KDELR3: variants seen among roughly 807,000 people sequenced by gnomAD.
KDELR3 encodes ER lumen protein-retaining receptor 3.
A neutral mutation model predicts 22.7 loss-of-function variants in KDELR3; 26 were observed. That is an observed-to-expected ratio of 1.15 (90% CI 0.84 to 1.59). The LOEUF is 1.59. KDELR3 is among the 40% of genes most tolerant of loss of function. KDELR3 has a pLI of 0.00. For missense variants in KDELR3, 289 were observed against 251.1 expected, an observed-to-expected ratio of 1.15 and a Z score of -1.02; for synonymous variants, 120 against 98.2, an observed-to-expected ratio of 1.22 and a Z score of -1.31.
intron 1 of KDELR3, among the ~76,000 whole-genome samples, chr22:38,471,421 C>A (rs577594942): frequency 6.6e-6 from 1 of 152,316 alleles, no homozygotes; most frequent in Non-Finnish European, 1.5e-5. Context: ...TGGCCTCCCC[C>A]AGTGGGGTTC....
At position 38,481,335 on chromosome 22, in the gene KDELR3, C is replaced by T. The variant is rs762650065; in HGVS notation, c.475C>T (p.Arg159Trp). ...THYLFFLGLY[R>W]ALYLANWIRR... ...CTACCTGTTCTTTCTGGGTCTGTAC[C>T]GGGCACTCTACCTGGCTAACTGGAT... is the stretch of plus-strand genomic sequence containing the variant. Residue 159 changes from arginine (R) to tryptophan (W), a missense_variant, in exon 4 of 5, where the codon CGG becomes TGG. By Grantham distance (101) the Arg-to-Trp change is moderately radical (BLOSUM62 -3). Transcript: ENST00000216014. 4.4e-5 allele frequency: 71 copies of T among 1,614,000 alleles called. No individual in the cohort carries two copies. Among genetic ancestry groups the T allele is most frequent in the Non-Finnish European group, 1.1e-5 (13 of 1,180,032 alleles).
rs759642788 is a variant in KDELR3, at chr22:38,474,625, T to C, written c.192+2T>C. ...TCCATCTACAACACAGTAATGAAGG[T>C]GAGGGGCTGGGTGATGATGGTTGGG... On this transcript the variant is annotated splice_donor_variant, in intron 2 of 4. Transcript: ENST00000216014. LOFTEE classifies it high-confidence loss of function. 1 of 1,610,762 alleles carries C rather than the reference T, an allele frequency of 6.2e-7. No individual in the cohort carries two copies. The highest frequency in any genetic ancestry group is 1.1e-5 in the South Asian group (1 of 90,986).
chr22:38,470,396 G>A (rs1251804596), intron 1 of KDELR3, among the ~76,000 whole-genome samples: 2 of 152,168 alleles, frequency 1.3e-5, no homozygotes, highest in African/African-American at 2.4e-5. Context: ...GCCAAGTGGT[G>A]GACCTGACTT....
chr22:38,481,640 CAGGCCA>C (rs1481331833), intron 4 of KDELR3, 176 bp downstream of exon 4: 5 of 1,460,086 alleles, frequency 3.4e-6, no homozygotes, highest in Non-Finnish European at 4.5e-6. Flanking sequence ...TAAAAACATG[CAGGCCA>C]ATAGGTTATG....
intron 1 of KDELR3, among the ~76,000 whole-genome samples, chr22:38,469,808 T>A (rs1468384269): frequency 2.0e-5 from 3 of 152,180 alleles, no homozygotes; most frequent in Non-Finnish European, 4.4e-5. Flanking sequence ...TGGAGCTGAC[T>A]TTCTTTTATT....
chr22:38,468,320 C>T lies in KDELR3; in HGVS notation c.87C>T (p.Cys29=). 1.9e-6 allele frequency: 3 copies of T among 1,613,574 alleles called. No individual in the cohort carries two copies. The highest frequency in any genetic ancestry group is 2.5e-6 in the Non-Finnish European group (3 of 1,179,814). Reference sequence around the variant, plus strand: ...GGAAGATCTGGAGGTCCAAGTGCTGCAAGGGTGAGGGGCGCCTGGCAGGGA... The same window carrying T: ...GGAAGATCTGGAGGTCCAAGTGCTGTAAGGGTGAGGGGCGCCTGGCAGGGA... ...LLGKIWRSKC[C]KGISGKSQIL... The change falls in exon 1 of 5, where the codon TGC becomes TGT. Residue 29 remains cysteine, a synonymous_variant. Coordinates refer to ENST00000216014, the MANE Select transcript of KDELR3 (RefSeq NM_006855.4).
At chr22:38,468,870 G>A (rs1329411625) in intron 1 of KDELR3, among the ~76,000 whole-genome samples, 1 of 152,242 alleles carries the variant, frequency 6.6e-6, no homozygotes, top group African/African-American at 2.4e-5. Context: ...AGCCGGGGAA[G>A]GCTGGAGGGG....
At chr22:38,482,352 G>A (rs968850852) in intron 4 of KDELR3, 144 bp from the exon 5 acceptor site, 13 of 682,814 alleles carry the variant, frequency 1.9e-5, no homozygotes, top group Admixed American at 9.3e-5. Flanking sequence ...ATAGTCAACC[G>A]GAGATGGACT....
At chr22:38,473,609 T>C (rs1176792724) in intron 1 of KDELR3, among the ~76,000 whole-genome samples, 1 of 152,240 alleles carries the variant, frequency 6.6e-6, no homozygotes, top group East Asian at 1.9e-4. Context: ...TTTTTATCTT[T>C]GCATCTTTGT....
intron 1 of KDELR3, among the ~76,000 whole-genome samples, 158 bp downstream of exon 1, chr22:38,468,482 A>G (rs2089501958): frequency 6.6e-6 from 1 of 152,028 alleles, no homozygotes; most frequent in African/African-American, 2.4e-5. Context: ...AACAATGTAA[A>G]GTTGTATAAA....
At chr22:38,471,248 G>C (rs1023579589) in intron 1 of KDELR3, among the ~76,000 whole-genome samples, 1 of 152,208 alleles carries the variant, frequency 6.6e-6, no homozygotes, top group Admixed American at 6.5e-5. Flanking sequence ...AGGATGAAGA[G>C]AAAAGAGGGG....
intron 1 of KDELR3, 62 bp downstream of exon 1, chr22:38,468,386 T>TGCAGG (rs1163466850): frequency 5.4e-6 from 8 of 1,485,568 alleles, no homozygotes; most frequent in Non-Finnish European, 7.5e-6. Context: ...TGCCCCTGCG[T>TGCAGG]GCAGGGCAGG....
chr22:38,468,983 C>T (rs764337693), intron 1 of KDELR3, among the ~76,000 whole-genome samples: 8 of 152,258 alleles, frequency 5.3e-5, no homozygotes, highest in Non-Finnish European at 1.0e-4. Flanking sequence ...CTGCCAGAGC[C>T]TCCTCCAGCC....
chr22:38,468,936 G>C (rs2089506240), intron 1 of KDELR3, among the ~76,000 whole-genome samples: 1 of 152,226 alleles, frequency 6.6e-6, no homozygotes, highest in Admixed American at 6.5e-5. Flanking sequence ...TTGGAGGCTG[G>C]ACTCGCGGTC....
intron 4 of KDELR3, among the ~76,000 whole-genome samples, chr22:38,481,811 G>A (rs988248208): frequency 8.5e-5 from 13 of 152,210 alleles, no homozygotes; most frequent in Non-Finnish European, 1.6e-4. Flanking sequence ...ACCTGGAGAT[G>A]AGTCAACCAA....
In KDELR3 at chr22:38,482,718, A is replaced by G; in HGVS notation, c.*182A>G. 1 of 607,128 alleles carries G rather than the reference A, an allele frequency of 1.6e-6. No homozygotes were observed. Among genetic ancestry groups the G allele is most frequent in the East Asian group, 2.8e-5 (1 of 36,106 alleles). 37.6% of individuals were successfully genotyped at this position (607,128 alleles called of 1,614,324 possible). On this transcript the variant is annotated 3_prime_UTR_variant, in exon 5 of 5. Coordinates refer to ENST00000216014, the MANE Select transcript of KDELR3 (RefSeq NM_006855.4). ...CCTTCTCATCAATAGATCGCCCTTA[A>G]AGACCCATTGTAAGGTCATAAAAAA...
chr22:38,471,623 C>A (rs1241561820), intron 1 of KDELR3, among the ~76,000 whole-genome samples: 1 of 152,212 alleles, frequency 6.6e-6, no homozygotes, highest in African/African-American at 2.4e-5. Flanking sequence ...CCAGCACATT[C>A]TCCAGAATGT....
intron 1 of KDELR3, among the ~76,000 whole-genome samples, chr22:38,469,471 G>C (rs2089510359): frequency 6.6e-6 from 1 of 152,198 alleles, no homozygotes; most frequent in Non-Finnish European, 1.5e-5. Flanking sequence ...CAGGGTGGGG[G>C]TTGGTGCAGA....
At position 38,481,284 on chromosome 22, in the gene KDELR3, GGA is replaced by G; in HGVS notation, c.428_429del (p.Glu143GlyfsTer2). The G allele has an allele frequency of 6.2e-7, 1 of 1,614,188 alleles. No homozygotes were observed. Among genetic ancestry groups the G allele is most frequent in the African/African-American group, 1.3e-5 (1 of 75,058 alleles). ...CCAGCTCTTCATGATCAGCAAGACT[GGA>G]GAGGCTGAGACCATAACTACTCACT... ...LPQLFMISKT[G>X]EAETITTHYL... On this transcript the variant is annotated frameshift_variant, in exon 4 of 5. Transcript: ENST00000216014. LOFTEE classifies it high-confidence loss of function.
Sources: gnomAD v4.1 joint callset for allele counts (sites outside exome capture counted in the v4.1 genomes callset) on GRCh38, gnomAD v4.1.1 for gene constraint, MANE v1.5 for transcripts, NCBI Gene and HGNC (gene_info 2026-07-23, HGNC 2026-07-21) for gene names.